NOX3: variants seen among roughly 807,000 people sequenced by gnomAD.
The protein encoded by NOX3 is NADPH oxidase catalytic subunit-like 3.
NOX3 carries 74 observed loss-of-function variants against 76.7 expected under a neutral mutation model. The ratio of observed to expected loss-of-function variants is 0.96; its 90% CI spans 0.80 to 1.17. NOX3 has a LOEUF of 1.17. Ranked by LOEUF, NOX3 falls within the 50% of genes most tolerant of loss-of-function variation. The probability of loss-of-function intolerance (pLI) is 0.00; values close to 1 mark genes in which losing one functional copy is unlikely to be tolerated. For missense variants in NOX3, 695 were observed against 703.3 expected, an observed-to-expected ratio of 0.99 and a Z score of 0.13; for synonymous variants, 263 against 261.1, an observed-to-expected ratio of 1.01 and a Z score of -0.07.
At chr6:155,432,210 G>A (rs1776843675) in intron 7 of NOX3, among the ~76,000 whole-genome samples, 2 of 151,948 alleles carry the variant, frequency 1.3e-5, no homozygotes, top group Non-Finnish European at 2.9e-5. Context: ...TTTGTATTGG[G>A]AACATTCAAT....
chr6:155,449,384 T>A (rs1278842595), intron 4 of NOX3, among the ~76,000 whole-genome samples: 1 of 151,988 alleles, frequency 6.6e-6, no homozygotes, highest in Non-Finnish European at 1.5e-5. Context: ...ATTGGAAGGG[T>A]CTTCAAGGTC....
At chr6:155,430,805 A>C (rs1489678173) in intron 8 of NOX3, 38 bp downstream of exon 8, 7 of 1,434,394 alleles carry the variant, frequency 4.9e-6, no homozygotes, top group Non-Finnish European at 6.8e-6. Flanking sequence ...TTTCATCTAC[A>C]CTCAGGCTTT....
intron 13 of NOX3, 103 bp downstream of exon 13, chr6:155,396,706 T>G (rs112223204): frequency 8.4e-6 from 7 of 836,244 alleles, no homozygotes; most frequent in African/African-American, 6.9e-5. Flanking sequence ...GTTCAGTAGT[T>G]GAGAGTCGGA....
intron 4 of NOX3, among the ~76,000 whole-genome samples, chr6:155,451,248 G>A (rs140948769): frequency 6.6e-6 from 1 of 152,062 alleles, no homozygotes; most frequent in Admixed American, 6.5e-5. Flanking sequence ...CAAAGTGCTG[G>A]GATTACAGGC....
intron 5 of NOX3, 132 bp downstream of exon 5, chr6:155,443,141 G>A (rs2114705011): frequency 9.7e-7 from 1 of 1,035,126 alleles, no homozygotes; most frequent in Non-Finnish European, 1.3e-6. Flanking sequence ...ATGTGAAATT[G>A]AAAACAAATT....
chr6:155,453,729 A>AAT (rs1252344830), intron 3 of NOX3, among the ~76,000 whole-genome samples: 1 of 152,192 alleles, frequency 6.6e-6, no homozygotes, highest in Non-Finnish European at 1.5e-5. Flanking sequence ...AAAACTCTTG[A>AAT]ATAAGCCTGC....
At chr6:155,442,799 G>T (rs1211669274) in intron 5 of NOX3, among the ~76,000 whole-genome samples, 1 of 152,144 alleles carries the variant, frequency 6.6e-6, no homozygotes, top group Non-Finnish European at 1.5e-5. Flanking sequence ...ATCTGATTTG[G>T]CAAAGCAGCT....
At chr6:155,414,570 ATTATTT>A (rs913418337) in intron 10 of NOX3, among the ~76,000 whole-genome samples, 2 of 150,050 alleles carry the variant, frequency 1.3e-5, no homozygotes, top group Non-Finnish European at 3.0e-5. Flanking sequence ...TAGTAATAAA[ATTATTT>A]TTTTTTACAG....
intron 4 of NOX3, among the ~76,000 whole-genome samples, chr6:155,446,962 T>C (rs776360835): frequency 2.0e-5 from 3 of 152,118 alleles, no homozygotes; most frequent in Non-Finnish European, 2.9e-5. Context: ...GCATAATCCA[T>C]ATATGATAGT....
chr6:155,436,479 T>C lies in NOX3; in HGVS notation c.737A>G (p.Tyr246Cys). 6.2e-7 allele frequency: 1 copy of C among 1,614,032 alleles called. No homozygotes were observed. Among genetic ancestry groups the C allele is most frequent in the Non-Finnish European group, 8.5e-7 (1 of 1,179,880 alleles). Reference sequence around the variant, plus strand: ...TTGGGCCACTGTCTGCCATTCTGCATAGCGGTCTCTACAGAAGGTGATGTT... The same window carrying C: ...TTGGGCCACTGTCTGCCATTCTGCACAGCGGTCTCTACAGAAGGTGATGTT... ...LHNITFCRDR[Y>C]AEWQTVAQCP... The change falls in exon 7 of 14, where the codon TAT (tyrosine) becomes TGT (cysteine). Residue 246 changes from tyrosine to cysteine, a missense_variant. Tyr to Cys is a radical substitution (Grantham distance 194). Coordinates refer to ENST00000159060, the MANE Select transcript of NOX3 (RefSeq NM_015718.3).
intron 4 of NOX3, among the ~76,000 whole-genome samples, chr6:155,449,932 A>G (rs547450370): frequency 1.8e-4 from 28 of 152,370 alleles, no homozygotes; most frequent in African/African-American, 6.3e-4. Context: ...GCATGAAACC[A>G]AGGCTTAGCA....
intron 11 of NOX3, among the ~76,000 whole-genome samples, chr6:155,407,648 A>G (rs1776481476): frequency 6.6e-6 from 1 of 152,234 alleles, no homozygotes; most frequent in South Asian, 2.1e-4. Context: ...TTCACTTAAC[A>G]TTGGCTCCTG....
intron 9 of NOX3, among the ~76,000 whole-genome samples, chr6:155,427,289 A>G (rs1179321934): frequency 6.6e-6 from 1 of 152,044 alleles, no homozygotes; most frequent in Non-Finnish European, 1.5e-5. Flanking sequence ...ACTAAATACA[A>G]CCAAGCCCAG....
At chr6:155,420,759 G>T (rs189231592) in intron 10 of NOX3, among the ~76,000 whole-genome samples, 1 of 152,328 alleles carries the variant, frequency 6.6e-6, no homozygotes, top group East Asian at 1.9e-4. Flanking sequence ...GATAGTGCAT[G>T]TAAAATGCCC....
intron 4 of NOX3, among the ~76,000 whole-genome samples, chr6:155,447,837 C>T (rs984474571): frequency 6.6e-5 from 10 of 152,174 alleles, no homozygotes; most frequent in Admixed American, 2.0e-4. Context: ...ATATACCAAC[C>T]GCTAAATTCA....
intron 4 of NOX3, among the ~76,000 whole-genome samples, chr6:155,447,853 G>A (rs943132303): frequency 1.6e-4 from 24 of 152,164 alleles, no homozygotes; most frequent in Admixed American, 1.5e-3. Context: ...ATTCAGAATT[G>A]TTGTGACTTG....
intron 6 of NOX3, among the ~76,000 whole-genome samples, chr6:155,439,225 A>T (rs951104917): frequency 6.6e-6 from 1 of 152,202 alleles, no homozygotes; most frequent in Admixed American, 6.5e-5. Flanking sequence ...CAGTTTTTGA[A>T]ATAATTAAAG....
At chr6:155,442,053 A>G (rs1776996364) in intron 5 of NOX3, among the ~76,000 whole-genome samples, 1 of 152,196 alleles carries the variant, frequency 6.6e-6, no homozygotes, top group South Asian at 2.1e-4. Context: ...TCACGAGGTC[A>G]GGCGATCAAG....
chr6:155,446,105 G>C (rs762390416), intron 4 of NOX3, among the ~76,000 whole-genome samples: 1 of 151,140 alleles, frequency 6.6e-6, no homozygotes, highest in Non-Finnish European at 1.5e-5. Flanking sequence ...TAGTGTTTCC[G>C]CATCGTGATG....
Sources: allele counts gnomAD v4.1 joint callset (sites outside exome capture counted in the v4.1 genomes callset), GRCh38; gene constraint gnomAD v4.1.1; transcripts MANE v1.5; gene names NCBI Gene and HGNC (gene_info 2026-07-23, HGNC 2026-07-21).